Variants in UCK2 observed in about 807,000 individuals in gnomAD.
UCK2 encodes the protein cytidine monophosphokinase 2.
A neutral mutation model predicts 30.8 loss-of-function variants in UCK2; 6 were observed. That is an observed-to-expected ratio of 0.19 (90% CI 0.11 to 0.38). The LOEUF (loss-of-function observed/expected upper bound fraction) is 0.38, where lower values mean the gene tolerates loss of function less well. Among genes scored for constraint, UCK2 ranks in the 10% least tolerant of loss-of-function variants. The pLI is 1.00. For missense variants in UCK2, 210 were observed against 339.8 expected (o/e 0.62, Z 3.00); for synonymous variants, 125 against 133.6 (o/e 0.94, Z 0.45).
chr1:165,846,590 GCTAT>G (rs1174202033), intron 1 of UCK2, among the ~76,000 whole-genome samples: 2 of 152,140 alleles, frequency 1.3e-5, no homozygotes, highest in Non-Finnish European at 2.9e-5. Flanking sequence ...AGTCAGAAGG[GCTAT>G]CTATCTTCTG....
chr1:165,847,112 T>C (rs1242598809), intron 1 of UCK2, among the ~76,000 whole-genome samples: 1 of 151,912 alleles, frequency 6.6e-6, no homozygotes, highest in Non-Finnish European at 1.5e-5. Flanking sequence ...GGTTATTACT[T>C]TGGTAAAAGT....
At chr1:165,874,710 G>T (rs184610500) in intron 1 of UCK2, among the ~76,000 whole-genome samples, 1 of 151,832 alleles carries the variant, frequency 6.6e-6, no homozygotes, top group Non-Finnish European at 1.5e-5. Context: ...TTTTTTTAAC[G>T]TAAGAATTCC....
intron 1 of UCK2, chr1:165,885,132 TG>T (rs1655586511): frequency 2.8e-6 from 1 of 362,360 alleles, no homozygotes; most frequent in East Asian, 3.9e-5. Flanking sequence ...CCCCTGTCAT[TG>T]TTTTCCAGAG....
intron 1 of UCK2, among the ~76,000 whole-genome samples, chr1:165,846,406 A>G (rs865990243): frequency 6.2e-4 from 95 of 152,346 alleles, no homozygotes; most frequent in African/African-American, 2.1e-3. Context: ...CCTAGTTTCT[A>G]TAACTGTGCT....
intron 1 of UCK2, among the ~76,000 whole-genome samples, chr1:165,828,303 C>T (rs957905463): frequency 5.9e-5 from 9 of 152,198 alleles, no homozygotes; most frequent in African/African-American, 2.2e-4. Context: ...CAGGATCCCC[C>T]ACTAACCCCC....
intron 4 of UCK2, chr1:165,900,598 A>G (rs1647422915): frequency 6.6e-6 from 1 of 152,186 alleles, no homozygotes; most frequent in African/African-American, 2.4e-5. Context: ...TCCTCTCTCC[A>G]GTGACAAAAC....
chr1:165,890,473 A>C, intron 2 of UCK2, 110 bp downstream of exon 2: 1 of 1,114,774 alleles, frequency 9.0e-7, no homozygotes, highest in South Asian at 1.5e-5. Context: ...GTTTCTATCT[A>C]GAACGTAGGG....
intron 1 of UCK2, among the ~76,000 whole-genome samples, chr1:165,828,333 C>G (rs1322307690): frequency 2.6e-5 from 4 of 152,186 alleles, no homozygotes; most frequent in African/African-American, 9.6e-5. Flanking sequence ...CCTCAAGCCC[C>G]GGTCTGGCAC....
intron 4 of UCK2, among the ~76,000 whole-genome samples, chr1:165,901,121 A>C (rs1284060007): frequency 6.6e-6 from 1 of 152,188 alleles, no homozygotes; most frequent in East Asian, 1.9e-4. Context: ...CTGCCAGAGC[A>C]GCAGGTCGGC....
chr1:165,854,704 A>T (rs951444633), intron 1 of UCK2, among the ~76,000 whole-genome samples: 1 of 152,076 alleles, frequency 6.6e-6, no homozygotes, highest in South Asian at 2.1e-4. Context: ...GACTTTTCCT[A>T]TGTTTGTTCT....
At chr1:165,885,361 A>G (rs1277447455) in intron 1 of UCK2, 1 of 398,458 alleles carries the variant, frequency 2.5e-6, no homozygotes, top group Non-Finnish European at 4.4e-6. Flanking sequence ...TAAATGAGAT[A>G]ATGTCTTCAG....
At position 165,880,561 on chromosome 1, in the gene UCK2, TTGGGGG is replaced by T. The variant is rs1460567498; in HGVS notation, c.100-9640_100-9635del. On this transcript the variant is annotated intron_variant, in intron 1 of 6. Coordinates refer to ENST00000367879, the MANE Select transcript of UCK2 (RefSeq NM_012474.5). The stretch of plus-strand genomic sequence containing the variant: ...CAAGCCTAGATCCATTCAGTTTTTT[TTGGGGG>T]TGTGTGTGTGTGTGTGTGTGTGTGT... 4.2e-4 allele frequency among the ~76,000 whole-genome samples: 33 copies of T among 77,712 alleles called. 1 individual carries two copies. In the East Asian group the frequency reaches 4.6e-3, roughly 11 times the overall value. 51.0% of individuals were successfully genotyped at this position (77,712 alleles called of 152,430 possible).
At chr1:165,903,391 C>T (rs1400940418) in intron 5 of UCK2, 112 bp downstream of exon 5, 1 of 852,134 alleles carries the variant, frequency 1.2e-6, no homozygotes, top group African/African-American at 1.7e-5. Flanking sequence ...ACTCCTCTCT[C>T]TGAGTGATCC....
Position 165,858,606 on chromosome 1 carries a change from CA to C in UCK2, c.99+30675del, listed in dbSNP as rs540899827. ...CACAGTCTGCTGAGCCAGCAGTGCC[CA>C]CTTCATAGCCCTTTCTGTAGGGCCC... On this transcript the variant is annotated intron_variant, in intron 1 of 6. Coordinates refer to ENST00000367879, the MANE Select transcript of UCK2 (RefSeq NM_012474.5). Among the ~76,000 whole-genome samples the C allele has an allele frequency of 1.9e-4, 29 of 152,296 alleles. No individual in the cohort carries two copies. The South Asian group carries it at 6.0e-3, about 32-fold the overall frequency.
chr1:165,857,036 A>T (rs931332257), intron 1 of UCK2, among the ~76,000 whole-genome samples: 1 of 152,072 alleles, frequency 6.6e-6, no homozygotes, highest in Non-Finnish European at 1.5e-5. Context: ...TTCAACTCGA[A>T]GAAAGGACTT....
intron 4 of UCK2, among the ~76,000 whole-genome samples, chr1:165,898,249 G>A (rs547042043): frequency 1.6e-5 from 2 of 126,630 alleles, no homozygotes; most frequent in South Asian, 4.2e-4. Flanking sequence ...TAGATGTGTG[G>A]CAAATTGTGC....
chr1:165,861,654 AAAAAAC>A (rs1224108448), intron 1 of UCK2, among the ~76,000 whole-genome samples: 4,147 of 98,246 alleles, frequency 0.042, 1,105 homozygotes, highest in African/African-American at 0.12. Flanking sequence ...AAAAAACAAA[AAAAAAC>A]AACAGTAAAA....
intron 1 of UCK2, among the ~76,000 whole-genome samples, chr1:165,828,225 TG>T (rs996523239): frequency 2.6e-5 from 4 of 151,964 alleles, no homozygotes; most frequent in Non-Finnish European, 4.4e-5. Context: ...CGGGGTCCTA[TG>T]GGGGAAGGGC....
intron 1 of UCK2, among the ~76,000 whole-genome samples, chr1:165,860,215 C>A (rs776099981): frequency 2.9e-4 from 44 of 152,194 alleles, no homozygotes; most frequent in Non-Finnish European, 4.9e-4. Flanking sequence ...TGCTGCCTTT[C>A]AGGATCACCT....
Sources: gnomAD v4.1 joint callset for allele counts (sites outside exome capture counted in the v4.1 genomes callset) on GRCh38, gnomAD v4.1.1 for gene constraint, MANE v1.5 for transcripts, NCBI Gene and HGNC (gene_info 2026-07-23, HGNC 2026-07-21) for gene names.